Variants in RARS2 observed in about 807,000 individuals in gnomAD.
RARS2 encodes arginyl-tRNA synthetase 2, mitochondrial.
A neutral mutation model predicts 88.5 loss-of-function variants in RARS2; 67 were observed. That is an observed-to-expected ratio of 0.76 (90% CI 0.62 to 0.93). The LOEUF (loss-of-function observed/expected upper bound fraction) is 0.93. Among genes scored for constraint, RARS2 ranks in the 40% least tolerant of loss-of-function variants. The pLI, the probability that RARS2 is intolerant of heterozygous loss-of-function variation, is 0.00. For synonymous variants in RARS2, 239 were observed against 230.3 expected (o/e 1.04, Z -0.34); for missense variants, 664 against 684.2 (o/e 0.97, Z 0.33).
chr6:87,529,292 G>A (rs1776705921), intron 10 of RARS2, among the ~76,000 whole-genome samples: 1 of 151,984 alleles, frequency 6.6e-6, no homozygotes, highest in South Asian at 2.1e-4. Flanking sequence ...CCTTAAGTAG[G>A]TCACTTATAT....
chr6:87,542,301 C>T (rs1185680866), intron 7 of RARS2, among the ~76,000 whole-genome samples: 1 of 152,036 alleles, frequency 6.6e-6, no homozygotes, highest in Admixed American at 6.6e-5. Flanking sequence ...TGCTGAACAC[C>T]ACCCTAGCAG....
In RARS2 at chr6:87,589,936, C is replaced by CG; in HGVS notation, c.21dup (p.Ala8ArgfsTer34). On this transcript the variant is annotated frameshift_variant, in exon 1 of 20. Transcript: ENST00000369536. LOFTEE classifies it high-confidence loss of function. Reference sequence around the variant, plus strand: ...GGGATCCATACCTGGCAAGCAATAGCGCGGCGAAAGCCGCACGCCATGTCC... The same window carrying CG: ...GGGATCCATACCTGGCAAGCAATAGCGGCGGCGAAAGCCGCACGCCATGTCC... The CG allele has an allele frequency of 6.2e-7, 1 of 1,614,176 alleles. No homozygotes were observed. The highest frequency in any genetic ancestry group is 8.5e-7 in the Non-Finnish European group (1 of 1,180,026).
At chr6:87,541,451 C>T (rs1182153202) in intron 8 of RARS2, among the ~76,000 whole-genome samples, 1 of 151,860 alleles carries the variant, frequency 6.6e-6, no homozygotes, top group Non-Finnish European at 1.5e-5. Flanking sequence ...TGCTGGGATG[C>T]AAGTGTGAGT....
intron 5 of RARS2, among the ~76,000 whole-genome samples, chr6:87,549,638 AACAC>A (rs1783755097): frequency 6.6e-6 from 1 of 152,048 alleles, no homozygotes; most frequent in South Asian, 2.1e-4. Context: ...ATTCCCAATC[AACAC>A]ATTTATCACT....
chr6:87,548,529 T>C (rs909481162), intron 6 of RARS2, 62 bp downstream of exon 6: 25 of 1,501,006 alleles, frequency 1.7e-5, no homozygotes, highest in Admixed American at 1.1e-4. Context: ...AAACATTAAA[T>C]TGAACTATCA....
chr6:87,529,900 A>C (rs1776915366), intron 9 of RARS2, among the ~76,000 whole-genome samples: 1 of 88,934 alleles, frequency 1.1e-5, no homozygotes, highest in Non-Finnish European at 2.2e-5. Flanking sequence ...TTTTTGTTTA[A>C]AAAAAAAAAA....
intron 8 of RARS2, among the ~76,000 whole-genome samples, chr6:87,535,736 G>C (rs1003122396): frequency 6.7e-5 from 10 of 148,314 alleles, no homozygotes; most frequent in Non-Finnish European, 1.3e-4. Context: ...GAGTGCAGTG[G>C]TGTGATCTCA....
At chr6:87,578,485 T>A (rs185730803) in intron 1 of RARS2, among the ~76,000 whole-genome samples, 132 of 151,232 alleles carry the variant, frequency 8.7e-4, no homozygotes, top group African/African-American at 3.1e-3. Flanking sequence ...TGAGAACTTT[T>A]CGCTTACCAA....
chr6:87,563,533 C>T (rs1303982756), intron 3 of RARS2, among the ~76,000 whole-genome samples: 2 of 152,192 alleles, frequency 1.3e-5, no homozygotes, highest in East Asian at 3.8e-4. Flanking sequence ...AGTTCCCAGA[C>T]ACTGACTCTG....
chr6:87,552,322 T>C (rs1027209862), intron 5 of RARS2, among the ~76,000 whole-genome samples: 1 of 152,190 alleles, frequency 6.6e-6, no homozygotes, highest in African/African-American at 2.4e-5. Context: ...TTCCTGTCCC[T>C]ACCTATTTTG....
At position 87,543,416 on chromosome 6, in the gene RARS2, C is replaced by T. The variant is rs149604200; in HGVS notation, c.536-1422G>A. On this transcript the variant is annotated intron_variant, in intron 7 of 19. Transcript: ENST00000369536. Reference sequence around the variant, plus strand: ...CAGCACTTTGGGAGGCCGAGGTGGGCGAATCACTTGAGGTCAGGAGTTTGA... The same window carrying T: ...CAGCACTTTGGGAGGCCGAGGTGGGTGAATCACTTGAGGTCAGGAGTTTGA... Among the ~76,000 whole-genome samples, 55 of 151,442 alleles carry T rather than the reference C, an allele frequency of 3.6e-4. 1 individual carries two copies. The highest frequency in any genetic ancestry group is 2.1e-4 in the South Asian group (1 of 4,792).
intron 5 of RARS2, 30 bp downstream of exon 5, chr6:87,555,378 A>T: frequency 6.5e-7 from 1 of 1,546,794 alleles, no homozygotes; most frequent in Non-Finnish European, 8.9e-7. Context: ...CAACTTGATT[A>T]AGCAACACAT....
chr6:87,564,813 T>C (rs1027041003), intron 2 of RARS2, among the ~76,000 whole-genome samples: 14 of 152,100 alleles, frequency 9.2e-5, no homozygotes, highest in African/African-American at 3.4e-4. Context: ...ATCCCAGCAC[T>C]TTGGGAGGCC....
chr6:87,576,974 T>C (rs1002989345), intron 1 of RARS2, among the ~76,000 whole-genome samples: 28 of 152,340 alleles, frequency 1.8e-4, no homozygotes, highest in African/African-American at 6.7e-4. Context: ...TAGGAATAGA[T>C]TCATTCGATA....
intron 8 of RARS2, among the ~76,000 whole-genome samples, chr6:87,534,833 T>A (rs952279529): frequency 6.6e-6 from 1 of 152,182 alleles, no homozygotes; most frequent in Non-Finnish European, 1.5e-5. Flanking sequence ...TCACGGTGTG[T>A]CTACATAGCG....
chr6:87,578,692 C>A (rs1269156983), intron 1 of RARS2, among the ~76,000 whole-genome samples: 1 of 152,166 alleles, frequency 6.6e-6, no homozygotes, highest in East Asian at 1.9e-4. Flanking sequence ...GACGCAGTGG[C>A]TTGCGCCTGT....
rs144031453 is a variant in RARS2, at chr6:87,514,101, C to T, written c.*312G>A. 2.6e-3 allele frequency among the ~76,000 whole-genome samples: 397 copies of T among 152,262 alleles called. 2 individuals carry two copies. The highest frequency in any genetic ancestry group is 0.02 in the Middle Eastern group (6 of 294). Reference sequence around the variant, plus strand: ...CCAAGGCAGACAGATAACCTGAGGTCGGGAGTGCAAGACCAGCCTGACCAA... The same window carrying T: ...CCAAGGCAGACAGATAACCTGAGGTTGGGAGTGCAAGACCAGCCTGACCAA... On this transcript the variant is annotated 3_prime_UTR_variant, in exon 20 of 20. Coordinates refer to ENST00000369536, the MANE Select transcript of RARS2 (RefSeq NM_020320.5).
In RARS2 at chr6:87,560,420, T is replaced by G. The variant is rs185398065; in HGVS notation, c.297+2282A>C. Among the ~76,000 whole-genome samples, 5 of 152,358 alleles carry G rather than the reference T, an allele frequency of 3.3e-5. No individual in the cohort carries two copies. In the East Asian group the frequency reaches 9.6e-4, roughly 29 times the overall value. ...TTTTTTCCCTTTTAACAATTAAATA[T>G]TATTTGAAGTTACAGTTTCTCTTGA... On this transcript the variant is annotated intron_variant, in intron 4 of 19. Coordinates refer to ENST00000369536, the MANE Select transcript of RARS2 (RefSeq NM_020320.5).
chr6:87,569,539 C>T lies in RARS2; in HGVS notation c.88G>A (p.Ala30Thr). 1 of 1,603,708 alleles carries T rather than the reference C, an allele frequency of 6.2e-7. No individual in the cohort carries two copies. The highest frequency in any genetic ancestry group is 8.5e-7 in the Non-Finnish European group (1 of 1,170,840). The change falls in exon 2 of 20, where the codon GCA becomes ACA. Residue 30 changes from alanine to threonine, a missense_variant. Coordinates refer to ENST00000369536, the MANE Select transcript of RARS2 (RefSeq NM_020320.5). The stretch of plus-strand genomic sequence containing the variant: ...AACTCTTTTTGGGAAATTGGAACTG[C>T]AGATATTGATGTGATCAAGTTTTCT... ...PPENLITSIS[A>T]VPISQKEEVA...
Sources: allele counts gnomAD v4.1 joint callset (sites outside exome capture counted in the v4.1 genomes callset), GRCh38; gene constraint gnomAD v4.1.1; transcripts MANE v1.5; gene names NCBI Gene and HGNC (gene_info 2026-07-23, HGNC 2026-07-21).